The following FPR3 variants were observed in gnomAD, a reference collection of about 807,000 sequenced individuals.
FPR3 encodes the protein formyl peptide receptor 3, also known as N-formyl peptide receptor 3.
For synonymous variants in FPR3, 135 were observed against 163.6 expected (o/e 0.83, Z 1.34); for missense variants, 346 against 443.2 (o/e 0.78, Z 1.97).
intron 1 of FPR3, among the ~76,000 whole-genome samples, chr19:51,808,367 G>C (rs2084074328): frequency 6.6e-6 from 1 of 152,262 alleles, no homozygotes; most frequent in Non-Finnish European, 1.5e-5. Context: ...GAGCTATTTT[G>C]AGATTCCATT....
intron 1 of FPR3, among the ~76,000 whole-genome samples, chr19:51,817,441 G>A (rs1260923182): frequency 6.6e-6 from 1 of 151,968 alleles, no homozygotes; most frequent in South Asian, 2.1e-4. Flanking sequence ...GTCACTTTCA[G>A]TAGCCATGAA....
Position 51,824,246 on chromosome 19 carries a change from A to C in FPR3, c.498A>C (p.Thr166=), listed in dbSNP as rs748382050. 2 of 1,614,146 alleles carry C rather than the reference A, an allele frequency of 1.2e-6. No homozygotes were observed. Among genetic ancestry groups the C allele is most frequent in the Non-Finnish European group, 1.7e-6 (2 of 1,180,002 alleles). The change falls in exon 2 of 2, where the codon ACA becomes ACC. Residue 166 remains threonine, a synonymous_variant. Transcript: ENST00000339223. The surrounding 1 kb of genome is among the most constrained non-coding windows in gnomAD (Gnocchi z 4.7). ...TACCAAATTTCATCTTCTGGACTAC[A>C]ATAAGTACTACGAATGGGGACACAT... ...LTLPNFIFWT[T]ISTTNGDTYC...
chr19:51,808,749 A>G (rs2122437046), intron 1 of FPR3, among the ~76,000 whole-genome samples: 1 of 152,346 alleles, frequency 6.6e-6, no homozygotes, highest in East Asian at 1.9e-4. Context: ...GGCACCCATC[A>G]GTTTTATGTG....
In FPR3 at chr19:51,815,880, A is replaced by AAAAAAG. The variant is rs2084132546; in HGVS notation, c.-10-7850_-10-7845dup. ...CTGTCTCAAAAAAAAAAGAAAAAAG[A>AAAAAAG]AAAAAGAAAAAGAAGAAGAAAAAGA... On this transcript the variant is annotated intron_variant, in intron 1 of 1. Transcript: ENST00000339223. Among the ~76,000 whole-genome samples the AAAAAAG allele has an allele frequency of 2.8e-5, 4 of 144,242 alleles. No individual in the cohort carries two copies. In the South Asian group the frequency reaches 8.3e-4, roughly 30 times the overall value. The allele number at this position is 144,242 out of a possible 152,430, so 94.6% of individuals were successfully genotyped here. A position where few individuals can be genotyped will look rare whatever the true frequency, so the allele number is the denominator to read the frequency against.
intron 1 of FPR3, among the ~76,000 whole-genome samples, chr19:51,818,206 GA>G (rs2084157545): frequency 6.6e-6 from 1 of 152,032 alleles, no homozygotes; most frequent in Non-Finnish European, 1.5e-5. Flanking sequence ...GACTTAGTAT[GA>G]AAAAAGAACG....
At chr19:51,813,926 A>T (rs1599836298) in intron 1 of FPR3, among the ~76,000 whole-genome samples, 1 of 152,144 alleles carries the variant, frequency 6.6e-6, no homozygotes. Flanking sequence ...GGGCCCGTTG[A>T]TGTGATGTCC....
chr19:51,816,327 A>T (rs1490775644), intron 1 of FPR3, among the ~76,000 whole-genome samples: 1 of 152,114 alleles, frequency 6.6e-6, no homozygotes, highest in Non-Finnish European at 1.5e-5. Context: ...GGCTGACTAC[A>T]ACCTCTTCTT....
At chr19:51,810,624 C>T (rs62108949) in intron 1 of FPR3, among the ~76,000 whole-genome samples, 1 of 152,204 alleles carries the variant, frequency 6.6e-6, no homozygotes, top group East Asian at 1.9e-4. Context: ...TTAGCCTGGT[C>T]TGCACACATT....
At chr19:51,798,159 TCTAA>T (rs2122408255) in intron 1 of FPR3, among the ~76,000 whole-genome samples, 1 of 152,034 alleles carries the variant, frequency 6.6e-6, no homozygotes, top group African/African-American at 2.4e-5. Context: ...AGAGTAGAGA[TCTAA>T]CTGACTCCAA....
At chr19:51,796,757 T>C (rs1254726159) in intron 1 of FPR3, among the ~76,000 whole-genome samples, 1 of 151,966 alleles carries the variant, frequency 6.6e-6, no homozygotes, top group Non-Finnish European at 1.5e-5. Flanking sequence ...ATTGGAAGAG[T>C]GGCAGGTCTG....
At chr19:51,803,087 G>A (rs9917013) in intron 1 of FPR3, among the ~76,000 whole-genome samples, 1,484 of 100,886 alleles carry the variant, frequency 0.015, 26 homozygotes, top group African/African-American at 0.051. Flanking sequence ...ATATTTAAGT[G>A]AGAAACATTT....
chr19:51,824,310 G>A lies in FPR3; in HGVS notation c.562G>A (p.Val188Ile). Reference protein sequence around the residue: ...FNFAFWGDTAVERLNVFITMA... With the variant: ...FNFAFWGDTAIERLNVFITMA... ...CTTTGCATTCTGGGGTGACACTGCT[G>A]TAGAGAGGTTGAACGTGTTCATTAC... The change falls in exon 2 of 2, where the codon GTA becomes ATA. Residue 188 changes from valine to isoleucine, a missense_variant. By Grantham distance (29) the Val-to-Ile change is conservative. Transcript: ENST00000339223. This position sits in a 1 kb window ranked among gnomAD's most constrained non-coding sequence, Gnocchi z 4.7. 1 of 1,614,146 alleles carries A rather than the reference G, an allele frequency of 6.2e-7. No homozygotes were observed. The highest frequency in any genetic ancestry group is 8.5e-7 in the Non-Finnish European group (1 of 1,179,996).
chr19:51,809,224 AAGT>A (rs1179714995), intron 1 of FPR3, among the ~76,000 whole-genome samples: 1 of 152,202 alleles, frequency 6.6e-6, no homozygotes, highest in Non-Finnish European at 1.5e-5. Flanking sequence ...TAAGACTGAA[AAGT>A]ACATGACTGT....
intron 1 of FPR3, among the ~76,000 whole-genome samples, chr19:51,800,666 C>T (rs2084022627): frequency 6.6e-6 from 1 of 152,134 alleles, no homozygotes; most frequent in Non-Finnish European, 1.5e-5. Flanking sequence ...CCCGAAACCC[C>T]ATGGAATGTT....
At chr19:51,796,060 A>G (rs1277857214) in intron 1 of FPR3, among the ~76,000 whole-genome samples, 1 of 152,178 alleles carries the variant, frequency 6.6e-6, no homozygotes, top group Non-Finnish European at 1.5e-5. Context: ...TGAACAAACA[A>G]ATAAAGGAGA....
At chr19:51,819,097 G>A (rs911135465) in intron 1 of FPR3, among the ~76,000 whole-genome samples, 1 of 152,210 alleles carries the variant, frequency 6.6e-6, no homozygotes, top group Non-Finnish European at 1.5e-5. Context: ...TAAGGAAAAT[G>A]AAAGGTGAGT....
Position 51,802,154 on chromosome 19 carries a change from ACAC to A in FPR3, c.-11+6827_-11+6829del, listed in dbSNP as rs373543432. ...CGAATTAATAAAAGCGTGATTATCGACACCACATCTCCATTTAGCAACCCAAAA... is the reference window on the plus strand; with the variant it reads ...CGAATTAATAAAAGCGTGATTATCGACACATCTCCATTTAGCAACCCAAAA... On this transcript the variant is annotated intron_variant, in intron 1 of 1. Coordinates refer to ENST00000339223, the MANE Select transcript of FPR3 (RefSeq NM_002030.5). Among the ~76,000 whole-genome samples the A allele has an allele frequency of 4.0e-3, 608 of 152,192 alleles. 7 individuals are homozygous for A. The highest frequency in any genetic ancestry group is 0.014 in the African/African-American group (574 of 41,516).
intron 1 of FPR3, chr19:51,811,752 C>G (rs960964010): frequency 2.6e-5 from 4 of 151,898 alleles, no homozygotes; most frequent in Non-Finnish European, 5.9e-5. Context: ...TTAGGGGGCA[C>G]CTTGCCTCTA....
chr19:51,823,407 T>C (rs1258577894), intron 1 of FPR3, among the ~76,000 whole-genome samples: 1 of 152,182 alleles, frequency 6.6e-6, no homozygotes, highest in Non-Finnish European at 1.5e-5. Flanking sequence ...ACTCTGAGTC[T>C]TGTGCCTTCC....
Sources: allele counts gnomAD v4.1 joint callset (sites outside exome capture counted in the v4.1 genomes callset), GRCh38; gene constraint gnomAD v4.1.1; non-coding constraint Gnocchi (gnomAD v3.1); transcripts MANE v1.5; gene names NCBI Gene and HGNC (gene_info 2026-07-23, HGNC 2026-07-21).